The following KIF18B variants were observed in gnomAD, a reference collection of about 807,000 sequenced individuals.
KIF18B encodes the protein kinesin-like protein KIF18B.
Under a neutral mutation model 80.9 loss-of-function variants are expected in KIF18B, and 49 were observed. The ratio of observed to expected loss-of-function variants is 0.61; its 90% CI spans 0.48 to 0.77. KIF18B has a LOEUF of 0.77. Ranked by LOEUF, KIF18B falls within the 30% of genes least tolerant of loss-of-function variation. The pLI, the probability that KIF18B is intolerant of heterozygous loss-of-function variation, is 0.00. For synonymous variants in KIF18B, 439 were observed against 463.9 expected (o/e 0.95, Z 0.69); for missense variants, 994 against 1,127.7 (o/e 0.88, Z 1.70).
In KIF18B at chr17:44,934,685, G is replaced by A. The variant is rs1449317732; in HGVS notation, c.577-68C>T. 1 of 1,385,634 alleles carries A rather than the reference G, an allele frequency of 7.2e-7. No individual in the cohort carries two copies. The highest frequency in any genetic ancestry group is 1.4e-5 in the African/African-American group (1 of 69,214). The allele number at this position is 1,385,634 out of a possible 1,614,324, so 85.8% of individuals were successfully genotyped here. On this transcript the variant is annotated intron_variant, in intron 4 of 15. Coordinates refer to ENST00000593135, the MANE Select transcript of KIF18B (RefSeq NM_001265577.2). The surrounding 1 kb of genome is among the most constrained non-coding windows in gnomAD (Gnocchi z 5.4). ...TCAGGACTTTTCCCCTAACAGGAAGGGCTGCTCTTCAGAATCTACATCACC... is the reference window on the plus strand; with the variant it reads ...TCAGGACTTTTCCCCTAACAGGAAGAGCTGCTCTTCAGAATCTACATCACC...
At chr17:44,933,334 A>G (rs2052200494) in intron 7 of KIF18B, among the ~76,000 whole-genome samples, 1 of 152,098 alleles carries the variant, frequency 6.6e-6, no homozygotes, top group Admixed American at 6.5e-5. Flanking sequence ...TCCCACTGCT[A>G]AAAACAAGTC....
rs2052243973 is a variant in KIF18B at position 44,934,828 on chromosome 17, C to T, written c.576+3G>A. 1 of 1,541,320 alleles carries T rather than the reference C, an allele frequency of 6.5e-7. No individual in the cohort carries two copies. Among genetic ancestry groups the T allele is most frequent in the African/African-American group, 1.4e-5 (1 of 72,848 alleles). ...ATCATCCTACCCGAGCCCAATCCCA[C>T]ACCTGGTGGAAAGAAAGTCCTTGCA... On this transcript the variant is annotated splice_donor_region_variant and intron_variant, in intron 4 of 15. Transcript: ENST00000593135. This position sits in a 1 kb window ranked among gnomAD's most constrained non-coding sequence, Gnocchi z 5.4.
At chr17:44,943,909 G>A (rs916599816) in intron 1 of KIF18B, among the ~76,000 whole-genome samples, 1 of 152,046 alleles carries the variant, frequency 6.6e-6, no homozygotes, top group African/African-American at 2.4e-5. Context: ...TAGAAATGAT[G>A]TCTCACTATG....
Position 44,932,691 on chromosome 17 carries a change from G to A in KIF18B, c.1220C>T (p.Ser407Leu), listed in dbSNP as rs761307057. The stretch of plus-strand genomic sequence containing the variant: ...AACTCACTGTTCTGGTGGTGGTCCC[G>A]ACTTGGGAGATCCTGGGAGGTCCTG... ...PPQDLPGSPK[S>L]GPPPEHQPCT... Residue 407 changes from serine (S) to leucine (L), a missense_variant, in exon 9 of 16, where the codon TCG (serine) becomes TTG (leucine). Ser to Leu is a moderately radical substitution (Grantham distance 145). Transcript: ENST00000593135. 6.8e-6 allele frequency: 11 copies of A among 1,611,424 alleles called. No homozygotes were observed. Among genetic ancestry groups the A allele is most frequent in the East Asian group, 2.2e-5 (1 of 44,866 alleles).
intron 11 of KIF18B, 46 bp from the exon 12 acceptor site, chr17:44,929,070 T>G: frequency 6.4e-7 from 1 of 1,552,992 alleles, no homozygotes; most frequent in Non-Finnish European, 8.9e-7. Flanking sequence ...AGACTCAGCC[T>G]GACCAGGAGC....
chr17:44,937,049 A>G (rs953737782), intron 1 of KIF18B, among the ~76,000 whole-genome samples: 35 of 145,754 alleles, frequency 2.4e-4, no homozygotes, highest in African/African-American at 8.7e-4. Flanking sequence ...ACCCTCATGT[A>G]TCTCTGTCTA....
Position 44,932,077 on chromosome 17 carries a change from C to A in KIF18B, c.1368G>T (p.Glu456Asp), listed in dbSNP as rs548342229. The change falls in exon 10 of 16, where the codon GAG (glutamate) becomes GAT (aspartate). Residue 456 changes from glutamate to aspartate, a missense_variant. Transcript: ENST00000593135. ...SSDQEQSPED[E>D]DEGPAEEVPT... Reference sequence around the variant, plus strand: ...CTACCTCCTCAGCTGGGCCTTCATCCTCATCCTCTGGGGACTGCTCCTGGT... The same window carrying A: ...CTACCTCCTCAGCTGGGCCTTCATCATCATCCTCTGGGGACTGCTCCTGGT... The A allele has an allele frequency of 6.2e-7, 1 of 1,613,172 alleles. No individual in the cohort carries two copies. Among genetic ancestry groups the A allele is most frequent in the Non-Finnish European group, 8.5e-7 (1 of 1,179,606 alleles).
In KIF18B at chr17:44,934,772, T is replaced by A; in HGVS notation, c.576+59A>T. ...GACCCAGGGCATCCCCAAACAGTTT[T>A]GTGAGGGAACCCCAAGGACCCATGG... On this transcript the variant is annotated intron_variant, in intron 4 of 15. Coordinates refer to ENST00000593135, the MANE Select transcript of KIF18B (RefSeq NM_001265577.2). The surrounding 1 kb of genome is among the most constrained non-coding windows in gnomAD (Gnocchi z 5.4). 1 of 1,380,210 alleles carries A rather than the reference T, an allele frequency of 7.2e-7. No homozygotes were observed. The highest frequency in any genetic ancestry group is 2.5e-5 in the East Asian group (1 of 39,384). 85.5% of individuals were successfully genotyped at this position (1,380,210 alleles called of 1,614,324 possible). A position where few individuals can be genotyped will look rare whatever the true frequency, so the allele number is the denominator to read the frequency against.
At chr17:44,943,098 GTTTT>G (rs1023168394) in intron 1 of KIF18B, among the ~76,000 whole-genome samples, 1 of 151,648 alleles carries the variant, frequency 6.6e-6, no homozygotes, top group South Asian at 2.1e-4. Flanking sequence ...AAGAAATTGT[GTTTT>G]TTTTGTTTTT....
At chr17:44,936,607 TATATATATATATATATA>T in intron 1 of KIF18B, among the ~76,000 whole-genome samples, 1 of 75,532 alleles carries the variant, frequency 1.3e-5, no homozygotes, top group Non-Finnish European at 2.7e-5. Context: ...TCTATATATA[TATATATATATATATATA>T]TTTTTTTTTT....
At position 44,926,039 on chromosome 17, in the gene KIF18B, C is replaced by A; in HGVS notation, c.*41G>T. ...CAAGAGGGGTATCCAGCAGAGGGGC[C>A]GGTAGGTTAGGACACCTTGGTGGTC... On this transcript the variant is annotated 3_prime_UTR_variant, in exon 16 of 16. Coordinates refer to ENST00000593135, the MANE Select transcript of KIF18B (RefSeq NM_001265577.2). The A allele has an allele frequency of 6.2e-7, 1 of 1,610,958 alleles. No homozygotes were observed. Among genetic ancestry groups the A allele is most frequent in the Non-Finnish European group, 8.5e-7 (1 of 1,177,570 alleles).
At chr17:44,937,535 C>T (rs1183469181) in intron 1 of KIF18B, among the ~76,000 whole-genome samples, 2 of 152,046 alleles carry the variant, frequency 1.3e-5, no homozygotes, top group African/African-American at 2.4e-5. Context: ...AACACTTTTC[C>T]CCATTTACAT....
At chr17:44,933,080 C>T in intron 7 of KIF18B, 94 bp from the exon 8 acceptor site, 1 of 1,165,964 alleles carries the variant, frequency 8.6e-7, no homozygotes, top group East Asian at 2.4e-5. Context: ...AGGTCTCTCC[C>T]ACGTCCCCAT....
At chr17:44,937,178 T>C (rs912516744) in intron 1 of KIF18B, among the ~76,000 whole-genome samples, 30 of 152,174 alleles carry the variant, frequency 2.0e-4, no homozygotes, top group Non-Finnish European at 4.4e-5. Context: ...TTTTCAGGCA[T>C]TTATTGTGCT....
At chr17:44,945,343 G>C (rs772948538) in intron 1 of KIF18B, among the ~76,000 whole-genome samples, 2 of 152,204 alleles carry the variant, frequency 1.3e-5, no homozygotes, top group Non-Finnish European at 2.9e-5. Flanking sequence ...TTACAGGCGT[G>C]AGCCACCATG....
Position 44,928,057 on chromosome 17 carries a change from G to A in KIF18B, c.2245C>T (p.Leu749=), listed in dbSNP as rs373529123. The change falls in exon 13 of 16, where the codon CTG becomes TTG. Residue 749 remains leucine (L), a synonymous_variant. Coordinates refer to ENST00000593135, the MANE Select transcript of KIF18B (RefSeq NM_001265577.2). ...ATGAAGGGCTGGTCCAGCCTGCTCA[G>A]CTCCTGGGGTATTTTGTCCCAGCCA... ...CIGWDKIPQE[L]SRLDQPFIPR... 60 of 1,532,784 alleles carry A rather than the reference G, an allele frequency of 3.9e-5. 1 individual carries two copies. The African/African-American group carries it at 6.6e-4, about 17-fold the overall frequency. The allele number at this position is 1,532,784 out of a possible 1,614,324, so 94.9% of individuals were successfully genotyped here. A position where few individuals can be genotyped will look rare whatever the true frequency, so the allele number is the denominator to read the frequency against.
At chr17:44,936,586 CTCTCTCTCTCTCTA>C (rs1173689276) in intron 1 of KIF18B, among the ~76,000 whole-genome samples, 46 of 57,870 alleles carry the variant, frequency 7.9e-4, no homozygotes, top group South Asian at 1.7e-3. Flanking sequence ...CTCTCTCTCT[CTCTCTCTCTCTCTA>C]TATATATATA....
intron 11 of KIF18B, 56 bp from the exon 12 acceptor site, chr17:44,929,080 C>T: frequency 6.8e-7 from 1 of 1,476,820 alleles, no homozygotes; most frequent in Non-Finnish European, 9.4e-7. Context: ...TGACCAGGAG[C>T]CTCTATGCCA....
chr17:44,938,098 C>T (rs548231963), intron 1 of KIF18B, among the ~76,000 whole-genome samples: 124 of 152,268 alleles, frequency 8.1e-4, no homozygotes, highest in African/African-American at 2.7e-3. Flanking sequence ...TCACTACAAC[C>T]TCTGCCTCCC....
Sources: gnomAD v4.1 joint callset for allele counts (sites outside exome capture counted in the v4.1 genomes callset) on GRCh38, gnomAD v4.1.1 for gene constraint, Gnocchi (gnomAD v3.1) non-coding constraint, MANE v1.5 for transcripts, NCBI Gene and HGNC (gene_info 2026-07-23, HGNC 2026-07-21) for gene names.